The following ZNF333 variants were observed in gnomAD, a reference collection of about 807,000 sequenced individuals.
ZNF333 encodes the protein zinc finger protein 333.
A neutral mutation model predicts 76.1 loss-of-function variants in ZNF333; 61 were observed. That is an observed-to-expected ratio of 0.80 (90% confidence interval 0.65 to 0.99). The LOEUF (loss-of-function observed/expected upper bound fraction) is 0.99. Among genes scored for constraint, ZNF333 ranks in the 50% least tolerant of loss-of-function variants. The pLI is 0.00. For missense variants in ZNF333, 717 were observed against 822.4 expected, an observed-to-expected ratio of 0.87 and a Z score of 1.57; for synonymous variants, 284 against 305.0, an observed-to-expected ratio of 0.93 and a Z score of 0.72.
intron 5 of ZNF333, among the ~76,000 whole-genome samples, chr19:14,703,007 A>C (rs1455118598): frequency 6.6e-6 from 1 of 151,818 alleles, no homozygotes; most frequent in African/African-American, 2.4e-5. Context: ...GATCGAGACC[A>C]TCCTGGCTAA....
At chr19:14,692,379 G>A (rs1808415) in intron 1 of ZNF333, among the ~76,000 whole-genome samples, 106,850 of 152,084 alleles carry the variant, frequency 0.7, 38,796 homozygotes, top group African/African-American at 0.87. Context: ...CAGGCAGTAC[G>A]AAGCCTGCTG....
At chr19:14,727,734 T>C (rs1163470499) in intron 11 of ZNF333, among the ~76,000 whole-genome samples, 1 of 151,766 alleles carries the variant, frequency 6.6e-6, no homozygotes, top group African/African-American at 2.4e-5. Flanking sequence ...GAGGCAGTGA[T>C]TTACAAACTT....
At chr19:14,702,724 C>G (rs2041993137) in intron 5 of ZNF333, among the ~76,000 whole-genome samples, 1 of 152,194 alleles carries the variant, frequency 6.6e-6, no homozygotes, top group Non-Finnish European at 1.5e-5. Flanking sequence ...TGTTCTCACC[C>G]TGCTGATAAA....
intron 11 of ZNF333, among the ~76,000 whole-genome samples, chr19:14,728,274 G>A (rs543563076): frequency 4.7e-4 from 72 of 152,282 alleles, no homozygotes; most frequent in Non-Finnish European, 8.7e-4. Flanking sequence ...CTTGGTAAAG[G>A]CATGAGATAA....
chr19:14,710,593 C>T (rs1568544576), intron 7 of ZNF333, among the ~76,000 whole-genome samples: 1 of 152,152 alleles, frequency 6.6e-6, no homozygotes, highest in Non-Finnish European at 1.5e-5. Context: ...GCCTGGCCAA[C>T]ATGGCGAAAC....
rs1240772288 is a variant in ZNF333 at position 14,718,622 on chromosome 19, C to T, written c.1295C>T (p.Thr432Met). Residue 432 changes from threonine to methionine, a missense_variant, in exon 12 of 12, where the codon ACG (threonine) becomes ATG (methionine). Thr to Met is a moderately conservative substitution (Grantham distance 81, BLOSUM62 -1). Coordinates refer to ENST00000292530, the MANE Select transcript of ZNF333 (RefSeq NM_032433.4). ...TGTAGTCAGTGTGGGAAAACCTTCA[C>T]GAGGAACTTTAACCTGATTTTGCAC... Reference protein sequence around the residue: ...FECSQCGKTFTRNFNLILHQR... With the variant: ...FECSQCGKTFMRNFNLILHQR... The T allele has an allele frequency of 6.2e-6, 10 of 1,613,494 alleles. No individual in the cohort carries two copies. The highest frequency in any genetic ancestry group is 1.7e-5 in the Admixed American group (1 of 59,974).
chr19:14,714,636 G>A (rs1401302131), intron 7 of ZNF333: 1 of 152,406 alleles, frequency 6.6e-6, no homozygotes, highest in Non-Finnish European at 1.5e-5. Flanking sequence ...TTGGGTGTGG[G>A]TCAGGTTTAA....
At chr19:14,716,932 C>A (rs1301515013) in intron 9 of ZNF333, 62 bp from the exon 10 acceptor site, 2 of 1,442,206 alleles carry the variant, frequency 1.4e-6, no homozygotes, top group Non-Finnish European at 1.9e-6. Flanking sequence ...TTGAGAATAT[C>A]GGCCCTGGTG....
At chr19:14,703,675 G>A (rs1193005309) in intron 5 of ZNF333, among the ~76,000 whole-genome samples, 1 of 152,200 alleles carries the variant, frequency 6.6e-6, no homozygotes, top group Non-Finnish European at 1.5e-5. Context: ...AGCCTTTCTT[G>A]GAGTTTCCAC....
At position 14,692,163 on chromosome 19, in the gene ZNF333, A is replaced by G. The variant is rs143252829; in HGVS notation, c.-41-1288A>G. On this transcript the variant is annotated intron_variant, in intron 1 of 11. Coordinates refer to ENST00000292530, the MANE Select transcript of ZNF333 (RefSeq NM_032433.4). ...CTTGCCCCTGTGGAGGCTTTATTCT[A>G]GCTAATAATATTGGTAAATTAATAG... Among the ~76,000 whole-genome samples, 10 of 152,338 alleles carry G rather than the reference A, an allele frequency of 6.6e-5. No homozygotes were observed. In the East Asian group the frequency reaches 1.9e-3, roughly 29 times the overall value.
At chr19:14,731,925 G>A (rs2147053717) in exon 12 of ZNF333, 1 of 152,278 alleles carries the variant, frequency 6.6e-6, no homozygotes, top group Admixed American at 6.5e-5. Flanking sequence ...AGTTTCCTCT[G>A]ACCTTCCTTC....
chr19:14,715,524 T>C, intron 8 of ZNF333, 54 bp downstream of exon 8: 1 of 1,542,340 alleles, frequency 6.5e-7, no homozygotes, highest in South Asian at 1.1e-5. Flanking sequence ...AAGGCTGGAC[T>C]TACCTTCTTC....
intron 11 of ZNF333, among the ~76,000 whole-genome samples, chr19:14,729,227 C>A (rs1465014312): frequency 6.6e-6 from 1 of 152,192 alleles, no homozygotes; most frequent in Non-Finnish European, 1.5e-5. Context: ...GGTTTCTCAA[C>A]TGTGACCTTA....
At chr19:14,708,927 T>G (rs2042196490) in intron 7 of ZNF333, 1 of 152,262 alleles carries the variant, frequency 6.6e-6, no homozygotes, top group African/African-American at 2.4e-5. Context: ...GTGATAGGGT[T>G]TGGATTTGTG....
intron 8 of ZNF333, among the ~76,000 whole-genome samples, 172 bp from the exon 9 acceptor site, chr19:14,715,940 G>C (rs1183425971): frequency 6.6e-6 from 1 of 152,168 alleles, no homozygotes; most frequent in East Asian, 1.9e-4. Context: ...AGTAGAGAGA[G>C]GAGTTCTAGT....
chr19:14,715,128 GGTAT>G, intron 7 of ZNF333: 1 of 434,450 alleles, frequency 2.3e-6, no homozygotes, highest in Admixed American at 3.7e-5. Context: ...AGGTGCATGT[GGTAT>G]GTAACTGTGT....
chr19:14,706,695 G>T lies in ZNF333; in HGVS notation c.433G>T (p.Ala145Ser), dbSNP rs1160446269. 2 of 1,614,012 alleles carry T rather than the reference G, an allele frequency of 1.2e-6. No homozygotes were observed. The highest frequency in any genetic ancestry group is 1.7e-6 in the Non-Finnish European group (2 of 1,180,024). Residue 145 changes from alanine (A) to serine (S), a missense_variant, in exon 7 of 12, where the codon GCC becomes TCC. Coordinates refer to ENST00000292530, the MANE Select transcript of ZNF333 (RefSeq NM_032433.4). ...CTGTCACTCTGTCCAGGGACTGAAG[G>T]CCGCTATGCAGATTCAGAGGGTGGT... ...PWSLGCTGLKAAMQIQRVVIP... is the reference protein window; with the variant it reads ...PWSLGCTGLKSAMQIQRVVIP...
intron 1 of ZNF333, among the ~76,000 whole-genome samples, chr19:14,692,364 T>C (rs911504701): frequency 6.6e-6 from 1 of 152,124 alleles, no homozygotes; most frequent in Non-Finnish European, 1.5e-5. Flanking sequence ...AGATGTACAG[T>C]CTTTCAGGCA....
rs778634740 is a variant in ZNF333, at chr19:14,718,330, G to A, written c.1003G>A (p.Glu335Lys). 3 of 1,614,164 alleles carry A rather than the reference G, an allele frequency of 1.9e-6. No individual in the cohort carries two copies. Among genetic ancestry groups the A allele is most frequent in the Non-Finnish European group, 2.5e-6 (3 of 1,180,032 alleles). The change falls in exon 12 of 12, where the codon GAG (glutamate) becomes AAG (lysine). Residue 335 changes from glutamate (E) to lysine (K), a missense_variant. Physicochemically the swap from Glu to Lys is moderately conservative, Grantham distance 56. Transcript: ENST00000292530. Reference sequence around the variant, plus strand: ...CCAGTACCAGAGAATTCATGCTGGAGAGGCATCCTGTGAATGTCAAGAGAT... The same window carrying A: ...CCAGTACCAGAGAATTCATGCTGGAAAGGCATCCTGTGAATGTCAAGAGAT... The part of the protein sequence containing the change: ...LFQYQRIHAG[E>K]ASCECQEIRN...
Sources: gnomAD v4.1 joint callset for allele counts (sites outside exome capture counted in the v4.1 genomes callset) on GRCh38, gnomAD v4.1.1 for gene constraint, MANE v1.5 for transcripts, NCBI Gene and HGNC (gene_info 2026-07-23, HGNC 2026-07-21) for gene names.